Variants in MID1 observed in about 807,000 individuals in gnomAD.
MID1 encodes the protein midline 1, also known as E3 ubiquitin-protein ligase Midline-1.
MID1 carries 7 observed loss-of-function variants against 40.4 expected under a neutral mutation model. That is an observed-to-expected ratio of 0.17 (90% CI 0.10 to 0.33). MID1 has a LOEUF of 0.33. MID1 is among the 10% of genes least tolerant of loss of function. MID1 has a pLI of 1.00. For synonymous variants in MID1, 229 were observed against 221.2 expected, an observed-to-expected ratio of 1.04 and a Z score of -0.31; for missense variants, 367 against 558.5, an observed-to-expected ratio of 0.66 and a Z score of 3.46.
intron 3 of MID1, among the ~76,000 whole-genome samples, chrX:10,514,911 A>T (rs1315110538): frequency 1.8e-5 from 2 of 111,777 alleles, no homozygotes; most frequent in African/African-American, 6.5e-5. Flanking sequence ...CTCTAATTAT[A>T]CCTTGAAAGC....
intron 3 of MID1, among the ~76,000 whole-genome samples, chrX:10,522,166 A>G (rs1932743542): frequency 8.9e-6 from 1 of 112,113 alleles, no homozygotes; most frequent in African/African-American, 3.2e-5. Flanking sequence ...GATGTAATCA[A>G]GTTAAAGTGA....
At chrX:10,538,390 C>T (rs1275298160) in intron 2 of MID1, among the ~76,000 whole-genome samples, 1 of 111,092 alleles carries the variant, frequency 9.0e-6, no homozygotes, top group Non-Finnish European at 1.9e-5. Context: ...CCTTTTCTTC[C>T]CAAGGTTTCC....
chrX:10,737,234 T>A (rs1402759996), intron 1 of MID1, among the ~76,000 whole-genome samples: 2 of 112,006 alleles, frequency 1.8e-5, no homozygotes, highest in African/African-American at 6.5e-5. Context: ...AGGATGAGAG[T>A]GATTTGACAA....
At chrX:10,822,186 A>C (rs2044179798) in intron 1 of MID1, among the ~76,000 whole-genome samples, 1 of 111,542 alleles carries the variant, frequency 9.0e-6, no homozygotes. Context: ...AAGTAAGGCC[A>C]CACACCTGCA....
intron 1 of MID1, among the ~76,000 whole-genome samples, chrX:10,692,989 TCCCA>T (rs1014904919): frequency 9.9e-5 from 11 of 111,239 alleles, no homozygotes; most frequent in African/African-American, 3.6e-4. Context: ...CACTATTCCT[TCCCA>T]CCAACTCTTC....
At chrX:10,574,211 G>A (rs907763467) in intron 1 of MID1, among the ~76,000 whole-genome samples, 1 of 111,826 alleles carries the variant, frequency 8.9e-6, no homozygotes, top group Non-Finnish European at 1.9e-5. Flanking sequence ...CTCTTTAAAC[G>A]TGGAAGTGGC....
chrX:10,636,398 A>G (rs1936109766), intron 1 of MID1, among the ~76,000 whole-genome samples: 2 of 111,245 alleles, frequency 1.8e-5, no homozygotes, highest in Admixed American at 1.9e-4. Flanking sequence ...CTCTTTAACT[A>G]TAATTAATCA....
chrX:10,629,982 C>T (rs1309925343), intron 1 of MID1, among the ~76,000 whole-genome samples: 1 of 112,049 alleles, frequency 8.9e-6, no homozygotes, highest in African/African-American at 3.2e-5. Flanking sequence ...TAACCATATG[C>T]TAACAAAGAT....
chrX:10,516,809 T>C (rs1932471442), intron 3 of MID1, among the ~76,000 whole-genome samples: 1 of 109,296 alleles, frequency 9.1e-6, no homozygotes, highest in African/African-American at 3.3e-5. Flanking sequence ...AGAGACGAGG[T>C]CTCACTGTAT....
chrX:10,612,770 A>G (rs1935756122), intron 1 of MID1, among the ~76,000 whole-genome samples: 1 of 111,918 alleles, frequency 8.9e-6, no homozygotes, highest in African/African-American at 3.2e-5. Flanking sequence ...ACCTGAAAAC[A>G]TCCAAATTAT....
In MID1 at chrX:10,666,406, C is replaced by CAAA. The variant is rs33938561; in HGVS notation, c.-186-45990_-186-45988dup. Among the ~76,000 whole-genome samples the CAAA allele has an allele frequency of 1.3e-3, 89 of 68,792 alleles. 1 individual carries two copies. The highest frequency in any genetic ancestry group is 8.3e-3 in the Middle Eastern group (1 of 121). 59.7% of individuals were successfully genotyped at this position (68,792 alleles called of 115,157 possible). ...AACTCAAAGTGCCCTTGATAAACTG[C>CAAA]AAAAAAAAAAAAAAAAAGCAAATAG... On this transcript the variant is annotated intron_variant, in intron 1 of 10. Coordinates refer to the MID1 transcript ENST00000380785.
At chrX:10,529,094 C>G (rs1371392384) in intron 2 of MID1, among the ~76,000 whole-genome samples, 2 of 111,028 alleles carry the variant, frequency 1.8e-5, no homozygotes, top group Admixed American at 9.6e-5. Context: ...ACCTGGCTCA[C>G]GATGTGTTGT....
chrX:10,752,277 G>A (rs977890327), intron 1 of MID1, among the ~76,000 whole-genome samples: 3 of 111,880 alleles, frequency 2.7e-5, no homozygotes, highest in African/African-American at 9.8e-5. Flanking sequence ...CATACCAGCA[G>A]AGTTTGGAAA....
At chrX:10,588,897 G>T (rs980692594) in intron 1 of MID1, among the ~76,000 whole-genome samples, 7 of 111,468 alleles carry the variant, frequency 6.3e-5, no homozygotes, top group Non-Finnish European at 1.1e-4. Context: ...TCTAATGCTG[G>T]CCAGTCTATT....
upstream of MID1, among the ~76,000 whole-genome samples, chrX:10,623,305 AGAAGGAAG>A (rs201219943): frequency 1.2e-3 from 121 of 100,876 alleles, no homozygotes; most frequent in Middle Eastern, 4.9e-3. Context: ...AGAGAAAGAA[AGAAGGAAG>A]GAAGGAAGGA....
In MID1 at chrX:10,637,817, T is replaced by C. The variant is rs775967925; in HGVS notation, c.-186-17398A>G. ...TGGAAGTACAAGGAATTAATAGTAA[T>C]GTACAGATGAACTTCTTAGTCTGGA... On this transcript the variant is annotated intron_variant, in intron 1 of 10. Coordinates refer to the MID1 transcript ENST00000380785. Among the ~76,000 whole-genome samples, 9 of 111,310 alleles carry C rather than the reference T, an allele frequency of 8.1e-5. No homozygotes were observed. In the South Asian group the frequency reaches 3.0e-3, roughly 37 times the overall value.
chrX:10,482,148 G>A (rs1172122441), intron 5 of MID1, among the ~76,000 whole-genome samples: 2 of 111,658 alleles, frequency 1.8e-5, no homozygotes, highest in African/African-American at 6.5e-5. Context: ...TCAAGTGTAC[G>A]ATAACATCAC....
chrX:10,785,146 C>A (rs750663057), intron 1 of MID1, among the ~76,000 whole-genome samples: 2 of 111,476 alleles, frequency 1.8e-5, no homozygotes, highest in Admixed American at 9.5e-5. Context: ...ATGTGCAAAA[C>A]CCACAAGCAT....
intron 1 of MID1, among the ~76,000 whole-genome samples, chrX:10,721,878 G>A (rs780305371): frequency 1.2e-4 from 13 of 110,739 alleles, no homozygotes; most frequent in Non-Finnish European, 1.3e-4. Context: ...AGACCAGGCT[G>A]GGCAACATAG....
Sources: gnomAD v4.1 joint callset for allele counts (sites outside exome capture counted in the v4.1 genomes callset) on GRCh38, gnomAD v4.1.1 for gene constraint, MANE v1.5 for transcripts, NCBI Gene and HGNC (gene_info 2026-07-23, HGNC 2026-07-21) for gene names.